Variants in CSAD observed in about 807,000 individuals in gnomAD.
The protein encoded by CSAD is P-selectin cytoplasmic tail-associated protein.
CSAD carries 47 observed loss-of-function variants against 61.5 expected under a neutral mutation model. That is an observed-to-expected ratio of 0.76 (90% CI 0.60 to 0.97). The LOEUF is 0.97. CSAD is among the 50% of genes least tolerant of loss of function. The probability of loss-of-function intolerance (pLI) is 0.00; values close to 1 mark genes in which losing one functional copy is unlikely to be tolerated. For synonymous variants in CSAD, 245 were observed against 252.7 expected, an observed-to-expected ratio of 0.97 and a Z score of 0.29; for missense variants, 611 against 643.6, an observed-to-expected ratio of 0.95 and a Z score of 0.55.
At position 53,159,651 on chromosome 12, in the gene CSAD, CTCTCCTGCT is replaced by C; in HGVS notation, c.1271_1279del (p.Lys424_Glu426del). 6.2e-7 allele frequency: 1 copy of C among 1,611,888 alleles called. No homozygotes were observed. The highest frequency in any genetic ancestry group is 2.2e-5 in the East Asian group (1 of 44,874). On this transcript the variant is annotated inframe_deletion, in exon 16 of 17. Transcript: ENST00000444623. The stretch of plus-strand genomic sequence containing the variant: ...TGACAGCCTTTCGTGGTAATCTGGA[CTCTCCTGCT>C]TCCCTCGCAGGCTGGGGGGTACGAA...
chr12:53,170,680 G>A (rs990365484), intron 8 of CSAD, 178 bp from the exon 9 acceptor site: 1 of 617,014 alleles, frequency 1.6e-6, no homozygotes, highest in Non-Finnish European at 2.9e-6. Flanking sequence ...TGGTCCACTA[G>A]GTCTGGGGTC....
chr12:53,171,065 G>A, intron 8 of CSAD: 1 of 633,594 alleles, frequency 1.6e-6, no homozygotes, highest in Non-Finnish European at 2.9e-6. Context: ...CAATGCTGCT[G>A]GTCCACAGAC....
rs1357318014 is a variant in CSAD, at chr12:53,158,673, C to A, written c.1320G>T (p.Val440=). The A allele has an allele frequency of 3.7e-6, 6 of 1,613,870 alleles. No individual in the cohort carries two copies. Among genetic ancestry groups the A allele is most frequent in the Non-Finnish European group, 4.2e-6 (5 of 1,179,976 alleles). Residue 440 remains valine (V), a synonymous_variant, in exon 17 of 17, where the codon GTG becomes GTT. Transcript: ENST00000444623. The stretch of plus-strand genomic sequence containing the variant: ...CCTCCTTCACCATGCGCTCCTTGAG[C>A]ACGGGGGCCACCTGTGGAAGGGTGG... ...YHERLSKVAP[V]LKERMVKEGS...
intron 4 of CSAD, 101 bp downstream of exon 4, chr12:53,173,244 G>A (rs571611718): frequency 3.5e-5 from 37 of 1,065,726 alleles, no homozygotes; most frequent in Admixed American, 1.1e-4. Context: ...AAGGAAGAAA[G>A]AAGGAAGGAA....
intron 4 of CSAD, 80 bp downstream of exon 4, chr12:53,173,265 G>A: frequency 7.9e-7 from 1 of 1,267,366 alleles, no homozygotes; most frequent in Non-Finnish European, 1.1e-6. Context: ...GGGGGGGGGA[G>A]AAAGAAAAGA....
rs1938822218 is a variant in CSAD at position 53,158,521 on chromosome 12, T to C, written c.1472A>G (p.Gln491Arg). The C allele has an allele frequency of 6.2e-7, 1 of 1,613,646 alleles. No individual in the cohort carries two copies. The highest frequency in any genetic ancestry group is 8.5e-7 in the Non-Finnish European group (1 of 1,179,678). ...FLLNELERLG[Q>R]DL ...CAAGACAGAGAAGGCTCACAGGTCC[T>C]GGCCTAGCCGCTCCAGCTCGTTGAG... Residue 491 changes from glutamine to arginine, a missense_variant, in exon 17 of 17, where the codon CAG (glutamine) becomes CGG (arginine). Transcript: ENST00000444623.
intron 10 of CSAD, 29 bp downstream of exon 10, chr12:53,170,043 T>G: frequency 1.9e-6 from 3 of 1,603,724 alleles, no homozygotes; most frequent in Non-Finnish European, 2.6e-6. Flanking sequence ...TTGGAGGCTA[T>G]ATCACCCCAG....
chr12:53,161,799 T>A (rs1416697363), intron 10 of CSAD, among the ~76,000 whole-genome samples: 2 of 145,694 alleles, frequency 1.4e-5, no homozygotes, highest in Admixed American at 6.9e-5. Context: ...TCTAAAAAAA[T>A]TTTTTTGTTT....
chr12:53,174,131 C>T (rs1940917808), intron 2 of CSAD, among the ~76,000 whole-genome samples: 2 of 151,714 alleles, frequency 1.3e-5, no homozygotes, highest in African/African-American at 4.8e-5. Flanking sequence ...GGTGAAACCC[C>T]GTCTCTACTA....
chr12:53,158,845 CCTTT>C (rs1938888112), intron 16 of CSAD, among the ~76,000 whole-genome samples, 161 bp from the exon 17 acceptor site: 1 of 152,144 alleles, frequency 6.6e-6, no homozygotes, highest in Non-Finnish European at 1.5e-5. Context: ...CCTCAGTTTA[CCTTT>C]CTGTCATATC....
rs113554487 is a variant in CSAD, at chr12:53,175,703, A to G, written c.-49-1933T>C. On this transcript the variant is annotated intron_variant, in intron 2 of 16. Transcript: ENST00000444623. ...ACATAAACATTTGTTAAATCAATCA[A>G]TGATTTGCAGGTACTGGAAAAAATG... Among the ~76,000 whole-genome samples the G allele has an allele frequency of 5.0e-3, 769 of 152,326 alleles. 6 individuals are homozygous for G. The highest frequency in any genetic ancestry group is 0.018 in the African/African-American group (747 of 41,578).
At position 53,174,988 on chromosome 12, in the gene CSAD, C is replaced by T. The variant is rs769548355; in HGVS notation, c.-49-1218G>A. Among the ~76,000 whole-genome samples the T allele has an allele frequency of 2.1e-4, 32 of 152,196 alleles. 1 individual carries two copies. The highest frequency in any genetic ancestry group is 1.3e-4 in the Non-Finnish European group (9 of 68,046). On this transcript the variant is annotated intron_variant, in intron 2 of 16. Transcript: ENST00000444623. ...TACGCAACCCCTCAACCCCCGCTGGCTCTCAGGGAAGGGAATGGGTTCAGT... is the reference window on the plus strand; with the variant it reads ...TACGCAACCCCTCAACCCCCGCTGGTTCTCAGGGAAGGGAATGGGTTCAGT...
intron 16 of CSAD, 54 bp downstream of exon 16, chr12:53,159,569 G>A (rs1939000465): frequency 8.2e-6 from 12 of 1,455,490 alleles, no homozygotes; most frequent in Admixed American, 1.9e-5. Flanking sequence ...GGGCAGAAGC[G>A]CATCAGTTGC....
intron 1 of CSAD, chr12:53,179,922 G>A: frequency 6.3e-7 from 1 of 1,598,474 alleles, no homozygotes; most frequent in South Asian, 1.1e-5. Context: ...AATGCAGCCT[G>A]GCCCAAGAGC....
chr12:53,171,520 A>T (rs1940577186), intron 7 of CSAD, 79 bp from the exon 8 acceptor site: 2 of 1,382,934 alleles, frequency 1.4e-6, no homozygotes, highest in African/African-American at 2.9e-5. Context: ...CCTTTCTACC[A>T]GAAGAGCTCA....
At chr12:53,165,666 A>C (rs1020860837) in intron 10 of CSAD, among the ~76,000 whole-genome samples, 3 of 150,152 alleles carry the variant, frequency 2.0e-5, no homozygotes, top group Admixed American at 6.6e-5. Context: ...CCATCTCAAA[A>C]AAAAAAAAAA....
At chr12:53,180,676 G>C in intron 1 of CSAD, 56 bp downstream of exon 1, 8 of 1,277,900 alleles carry the variant, frequency 6.3e-6, no homozygotes, top group Non-Finnish European at 8.1e-6. Flanking sequence ...AGAGGACGAG[G>C]GGGAGGGGGA....
In CSAD at chr12:53,171,452, G is replaced by C. The variant is rs779320878; in HGVS notation, c.452-11C>G. On this transcript the variant is annotated splice_polypyrimidine_tract_variant and intron_variant, in intron 7 of 16. Transcript: ENST00000444623. ...TGGAGATGGAGCCACCTGTCACAGG[G>C]AGGGGGCGGTGGCAAGAGGAAGGAG... is the stretch of plus-strand genomic sequence containing the variant. 1 of 1,613,074 alleles carries C rather than the reference G, an allele frequency of 6.2e-7. No homozygotes were observed. Among genetic ancestry groups the C allele is most frequent in the Non-Finnish European group, 8.5e-7 (1 of 1,179,836 alleles).
In CSAD at chr12:53,172,547, A is replaced by G; in HGVS notation, c.228T>C (p.Ala76=). The part of the protein sequence containing the change: ...SQKQILERCR[A]VIRYSVKTGH... ...CAGTCTTGACACTGTAGCGAATCAC[A>G]GCCCGACACCGCTCCAGGATCTGCT... The change falls in exon 5 of 17, where the codon GCT becomes GCC. Residue 76 remains alanine, a synonymous_variant. Coordinates refer to ENST00000444623, the MANE Select transcript of CSAD (RefSeq NM_001244705.2). 1 of 1,614,070 alleles carries G rather than the reference A, an allele frequency of 6.2e-7. No individual in the cohort carries two copies. Among genetic ancestry groups the G allele is most frequent in the Non-Finnish European group, 8.5e-7 (1 of 1,179,988 alleles).
Sources: allele counts gnomAD v4.1 joint callset (sites outside exome capture counted in the v4.1 genomes callset), GRCh38; gene constraint gnomAD v4.1.1; transcripts MANE v1.5; gene names NCBI Gene and HGNC (gene_info 2026-07-23, HGNC 2026-07-21).